CNTNAP2: variants seen among roughly 807,000 people sequenced by gnomAD.
CNTNAP2 encodes contactin-associated protein-like 2.
A neutral mutation model predicts 155.2 loss-of-function variants in CNTNAP2; 98 were observed. That is an observed-to-expected ratio of 0.63 (90% CI 0.54 to 0.75). The LOEUF is 0.75. CNTNAP2 is among the 30% of genes least tolerant of loss of function. The probability of loss-of-function intolerance (pLI) is 0.00; values close to 1 mark genes in which losing one functional copy is unlikely to be tolerated. For synonymous variants in CNTNAP2, 651 were observed against 631.2 expected (o/e 1.03, Z -0.47); for missense variants, 1,727 against 1,688.1 (o/e 1.02, Z -0.40).
At chr7:146,277,139 A>G (rs1354860774) in intron 1 of CNTNAP2, among the ~76,000 whole-genome samples, 1 of 152,138 alleles carries the variant, frequency 6.6e-6, no homozygotes, top group Non-Finnish European at 1.5e-5. Context: ...TGTAGCCACA[A>G]ACCAACGGAG....
intron 1 of CNTNAP2, among the ~76,000 whole-genome samples, chr7:146,430,847 A>T (rs1626345): frequency 0.036 from 5,419 of 152,134 alleles, 346 homozygotes; most frequent in African/African-American, 0.12. Flanking sequence ...TCATATGATC[A>T]AGAACCTGAA....
At chr7:146,331,513 T>C (rs1801187531) in intron 1 of CNTNAP2, among the ~76,000 whole-genome samples, 2 of 152,086 alleles carry the variant, frequency 1.3e-5, no homozygotes, top group Non-Finnish European at 2.9e-5. Flanking sequence ...ATTACAGGTC[T>C]AGTGACTCAT....
intron 11 of CNTNAP2, among the ~76,000 whole-genome samples, chr7:147,532,225 G>A (rs1345202014): frequency 1.3e-5 from 2 of 152,100 alleles, no homozygotes; most frequent in Non-Finnish European, 2.9e-5. Context: ...ATGTTTTGCT[G>A]CTTAGAAATT....
intron 8 of CNTNAP2, among the ~76,000 whole-genome samples, chr7:147,211,669 G>A (rs1188109933): frequency 6.6e-6 from 1 of 151,838 alleles, no homozygotes; most frequent in East Asian, 1.9e-4. Context: ...TAGATTAAAG[G>A]TTTAAATGTA....
chr7:146,465,453 C>A, intron 1 of CNTNAP2, among the ~76,000 whole-genome samples: 1 of 152,134 alleles, frequency 6.6e-6, no homozygotes, highest in African/African-American at 2.4e-5. Flanking sequence ...GCAGTTCCAG[C>A]TCTAACTCTT....
intron 13 of CNTNAP2, among the ~76,000 whole-genome samples, chr7:147,717,571 A>G (rs1488949727): frequency 6.6e-6 from 1 of 152,148 alleles, no homozygotes; most frequent in Non-Finnish European, 1.5e-5. Flanking sequence ...TTTAGAATTT[A>G]CGGTGAGTTA....
At chr7:146,646,686 A>G (rs542850578) in intron 1 of CNTNAP2, among the ~76,000 whole-genome samples, 188 of 152,282 alleles carry the variant, frequency 1.2e-3, no homozygotes, top group Non-Finnish European at 2.2e-3. Context: ...CTTGTTATCC[A>G]CACTAAATAG....
intron 13 of CNTNAP2, among the ~76,000 whole-genome samples, chr7:147,678,758 G>A (rs1399330369): frequency 1.3e-5 from 2 of 151,792 alleles, no homozygotes; most frequent in Admixed American, 6.6e-5. Flanking sequence ...TGTTATTTTG[G>A]TTTATGAAAT....
At chr7:147,233,759 A>C (rs1027305353) in intron 8 of CNTNAP2, among the ~76,000 whole-genome samples, 1 of 150,032 alleles carries the variant, frequency 6.7e-6, no homozygotes, top group African/African-American at 2.5e-5. Flanking sequence ...GTCTTATATA[A>C]AAACATTGAT....
chr7:147,875,195 T>C (rs1006530625), intron 13 of CNTNAP2, among the ~76,000 whole-genome samples: 1 of 152,218 alleles, frequency 6.6e-6, no homozygotes, highest in African/African-American at 2.4e-5. Flanking sequence ...TGTATTTGTT[T>C]GTTCTCATGC....
At chr7:147,464,465 T>TG (rs1798079267) in intron 10 of CNTNAP2, among the ~76,000 whole-genome samples, 1 of 65,968 alleles carries the variant, frequency 1.5e-5, no homozygotes, top group Non-Finnish European at 2.8e-5. Flanking sequence ...AGACTCCATC[T>TG]AAAAAAAAAA....
At chr7:146,509,628 C>G (rs116722978) in intron 1 of CNTNAP2, among the ~76,000 whole-genome samples, 2,031 of 152,152 alleles carry the variant, frequency 0.013, 42 homozygotes, top group African/African-American at 0.044. Context: ...GGTGTCAGAT[C>G]GGGCAGGGGT....
intron 11 of CNTNAP2, among the ~76,000 whole-genome samples, chr7:147,515,321 C>T (rs532853485): frequency 1.2e-4 from 15 of 126,212 alleles, no homozygotes; most frequent in Admixed American, 1.8e-4. Flanking sequence ...TCATTATATT[C>T]TTTTTTTGTT....
At chr7:147,229,985 A>G (rs950909085) in intron 8 of CNTNAP2, among the ~76,000 whole-genome samples, 2 of 152,160 alleles carry the variant, frequency 1.3e-5, no homozygotes, top group Non-Finnish European at 2.9e-5. Context: ...ACATCAAACT[A>G]CGAGTTTCCA....
chr7:146,681,211 C>T (rs1405212792), intron 1 of CNTNAP2, among the ~76,000 whole-genome samples: 5 of 151,022 alleles, frequency 3.3e-5, no homozygotes, highest in African/African-American at 1.2e-4. Flanking sequence ...GCAACAAGTG[C>T]TAAGTCATGG....
intron 13 of CNTNAP2, among the ~76,000 whole-genome samples, chr7:147,686,332 A>G (rs544214222): frequency 1.8e-4 from 27 of 152,206 alleles, no homozygotes; most frequent in Non-Finnish European, 7.4e-5. Context: ...AAGAATGCAG[A>G]AAAAGAAGGC....
At chr7:148,291,230 A>G (rs7799641) in intron 21 of CNTNAP2, among the ~76,000 whole-genome samples, 8,963 of 151,504 alleles carry the variant, frequency 0.059, 347 homozygotes, top group African/African-American at 0.11. Context: ...TAAAAGAAGT[A>G]TGTAAGTGAT....
At position 147,120,725 on chromosome 7, in the gene CNTNAP2, GCACCCACTAACTCGT is replaced by G. The variant is rs536639548; in HGVS notation, c.755-251_755-237del. Among the ~76,000 whole-genome samples the G allele has an allele frequency of 3.3e-3, 494 of 151,838 alleles. 1 individual carries two copies. Among genetic ancestry groups the G allele is most frequent in the Non-Finnish European group, 5.3e-3 (363 of 67,970 alleles). On this transcript the variant is annotated intron_variant, in intron 5 of 23. Coordinates refer to ENST00000361727, the MANE Select transcript of CNTNAP2 (RefSeq NM_014141.6). ...TATACATGTGACATGCTGGTGCGCT[GCACCCACTAACTCGT>G]CATCTAGCATTAGGTATATCTCCCA...
chr7:146,944,517 A>G (rs1480327225), intron 3 of CNTNAP2, among the ~76,000 whole-genome samples: 3 of 152,210 alleles, frequency 2.0e-5, no homozygotes, highest in Non-Finnish European at 2.9e-5. Context: ...AAGGTAAAAT[A>G]CTAAGCAGCA....
Sources: gnomAD v4.1 joint callset for allele counts (sites outside exome capture counted in the v4.1 genomes callset) on GRCh38, gnomAD v4.1.1 for gene constraint, MANE v1.5 for transcripts, NCBI Gene and HGNC (gene_info 2026-07-23, HGNC 2026-07-21) for gene names.